ARHGEF26: variants seen among roughly 807,000 people sequenced by gnomAD.
The protein encoded by ARHGEF26 is Rho guanine nucleotide exchange factor 26.
In ARHGEF26, 59 loss-of-function variants were observed where a neutral mutation model predicts 89.4. The ratio of observed to expected loss-of-function variants is 0.66; its 90% confidence interval spans 0.54 to 0.82. The LOEUF is 0.82. ARHGEF26 is among the 40% of genes least tolerant of loss of function. The pLI, the probability that ARHGEF26 is intolerant of heterozygous loss-of-function variation, is 0.00. For synonymous variants in ARHGEF26, 500 were observed against 428.4 expected (o/e 1.17, Z -2.06); for missense variants, 1,234 against 1,085.6 (o/e 1.14, Z -1.92).
intron 12 of ARHGEF26, among the ~76,000 whole-genome samples, chr3:154,251,112 G>A (rs1338644687): frequency 6.6e-6 from 1 of 152,100 alleles, no homozygotes; most frequent in East Asian, 1.9e-4. Flanking sequence ...AGATACCACA[G>A]TTTCCACCCT....
chr3:154,183,825 C>A (rs1330404026), intron 6 of ARHGEF26, among the ~76,000 whole-genome samples: 2 of 152,042 alleles, frequency 1.3e-5, no homozygotes, highest in Non-Finnish European at 2.9e-5. Context: ...TTGGGAAAAG[C>A]CAAGTTACTG....
rs1718083666 is a variant in ARHGEF26, at chr3:154,122,948, G to A, written c.956G>A (p.Arg319Lys). ...GGCTTGCGGTCCACGTCTTATCGCA[G>A]GGCAGTGGTCAGTGGCTTTGATTTT... ...RRGLRSTSYR[R>K]AVVSGFDFDS... The change falls in exon 2 of 15, where the codon AGG becomes AAG. Residue 319 changes from arginine to lysine, a missense_variant. Arg to Lys is a conservative substitution (Grantham distance 26). Coordinates refer to ENST00000465093, the MANE Select transcript of ARHGEF26 (RefSeq NM_015595.4). 1.2e-6 allele frequency: 2 copies of A among 1,613,684 alleles called. No individual in the cohort carries two copies. The highest frequency in any genetic ancestry group is 1.6e-4 in the Middle Eastern group (1 of 6,062).
chr3:154,149,244 AATAAATT>A (rs1719871999), intron 4 of ARHGEF26, 138 bp from the exon 5 acceptor site: 4 of 405,270 alleles, frequency 9.9e-6, no homozygotes, highest in African/African-American at 9.7e-5. Flanking sequence ...TTGATTAATT[AATAAATT>A]AATATTGATG....
rs201150057 is a variant in ARHGEF26, at chr3:154,186,886, C to CTTTTTTTTTTTTTTTTTTTTT, written c.1488-791_1488-771dup. 4.9e-5 allele frequency among the ~76,000 whole-genome samples: 4 copies of CTTTTTTTTTTTTTTTTTTTTT among 82,078 alleles called. 1 individual carries two copies. Among genetic ancestry groups the CTTTTTTTTTTTTTTTTTTTTT allele is most frequent in the African/African-American group, 1.9e-4 (4 of 21,168 alleles). The allele number at this position is 82,078 out of a possible 152,430, so 53.8% of individuals were successfully genotyped here. A position where few individuals can be genotyped will look rare whatever the true frequency, so the allele number is the denominator to read the frequency against. On this transcript the variant is annotated intron_variant, in intron 6 of 14. Coordinates refer to ENST00000465093, the MANE Select transcript of ARHGEF26 (RefSeq NM_015595.4). Reference sequence around the variant, plus strand: ...CATATACTGTTAGATTTATTTCAGACTTTTTTTTTTTTTTTTTTTTTTTTT... The same window carrying CTTTTTTTTTTTTTTTTTTTTT: ...CATATACTGTTAGATTTATTTCAGACTTTTTTTTTTTTTTTTTTTTTTTTTTTTTTTTTTTTTTTTTTTTTT...
intron 12 of ARHGEF26, among the ~76,000 whole-genome samples, chr3:154,242,049 T>C (rs1717510219): frequency 6.6e-6 from 1 of 152,178 alleles, no homozygotes; most frequent in Non-Finnish European, 1.5e-5. Context: ...GGCACCCACA[T>C]AAAATGTCAA....
chr3:154,183,367 G>C (rs1713300824), intron 6 of ARHGEF26, among the ~76,000 whole-genome samples: 1 of 152,170 alleles, frequency 6.6e-6, no homozygotes, highest in South Asian at 2.1e-4. Flanking sequence ...ATACTACAAA[G>C]AGGAAATAAG....
At position 154,185,575 on chromosome 3, in the gene ARHGEF26, C is replaced by T. The variant is rs187595592; in HGVS notation, c.1488-2110C>T. Among the ~76,000 whole-genome samples, 703 of 152,272 alleles carry T rather than the reference C, an allele frequency of 4.6e-3. 3 individuals carry two copies. The highest frequency in any genetic ancestry group is 0.016 in the African/African-American group (668 of 41,556). On this transcript the variant is annotated intron_variant, in intron 6 of 14. Coordinates refer to ENST00000465093, the MANE Select transcript of ARHGEF26 (RefSeq NM_015595.4). ...GCAGGTACTGCAGACCACCTAGTCC[C>T]TCTCAGGGCCTGCTACTCTCCCAGC...
intron 4 of ARHGEF26, 44 bp downstream of exon 4, chr3:154,129,763 A>C: frequency 6.4e-7 from 1 of 1,561,116 alleles, no homozygotes; most frequent in Non-Finnish European, 8.7e-7. Flanking sequence ...GAAAAAAACA[A>C]GTTTTGGAAA....
intron 11 of ARHGEF26, among the ~76,000 whole-genome samples, chr3:154,228,131 T>C (rs1203213927): frequency 1.5e-5 from 2 of 136,276 alleles, no homozygotes; most frequent in Non-Finnish European, 3.1e-5. Context: ...TGGGAGTCTT[T>C]GAGAATTTTT....
chr3:154,255,231 A>G, intron 14 of ARHGEF26, 100 bp from the exon 15 acceptor site: 4 of 1,257,818 alleles, frequency 3.2e-6, no homozygotes, highest in Non-Finnish European at 4.5e-6. Context: ...CGTAGCACTT[A>G]GCCTGGGGAG....
At chr3:154,187,134 C>G in intron 6 of ARHGEF26, 1 of 609,820 alleles carries the variant, frequency 1.6e-6, no homozygotes, top group Non-Finnish European at 2.1e-6. Context: ...TCATAATCCA[C>G]CCGCTTCGGC....
At chr3:154,252,833 G>A (rs949240557) in intron 12 of ARHGEF26, among the ~76,000 whole-genome samples, 4 of 152,274 alleles carry the variant, frequency 2.6e-5, no homozygotes, top group Middle Eastern at 3.4e-3. Context: ...TAATGTGTTC[G>A]TGTAATCAGC....
intron 11 of ARHGEF26, among the ~76,000 whole-genome samples, chr3:154,239,295 AGAGAGTGT>A (rs1717336025): frequency 6.8e-5 from 4 of 58,766 alleles, no homozygotes; most frequent in African/African-American, 1.8e-4. Context: ...AGAGAGAGAG[AGAGAGTGT>A]GTGTGTGTGT....
intron 11 of ARHGEF26, among the ~76,000 whole-genome samples, chr3:154,238,992 G>T (rs1417548298): frequency 6.6e-6 from 1 of 152,096 alleles, no homozygotes; most frequent in Non-Finnish European, 1.5e-5. Context: ...TGGTGTTGAG[G>T]ATTAGAGGAG....
At chr3:154,125,669 T>G (rs560954940) in intron 3 of ARHGEF26, among the ~76,000 whole-genome samples, 1 of 152,224 alleles carries the variant, frequency 6.6e-6, no homozygotes, top group South Asian at 2.1e-4. Flanking sequence ...TTTTAGATTT[T>G]TTTTGAAGTC....
intron 10 of ARHGEF26, among the ~76,000 whole-genome samples, chr3:154,219,939 A>ACAAAAAAAAC (rs11282930): frequency 0.89 from 134,921 of 151,432 alleles, 60,185 homozygotes; most frequent in East Asian, 1. Context: ...CAAAAAACAA[A>ACAAAAAAAAC]CAAAAAAGTA....
intron 3 of ARHGEF26, among the ~76,000 whole-genome samples, chr3:154,126,064 C>T (rs181342854): frequency 3.7e-4 from 56 of 152,284 alleles, no homozygotes; most frequent in African/African-American, 1.3e-3. Flanking sequence ...AATCTGTCAA[C>T]AATGTTATGC....
At chr3:154,236,053 G>A (rs78757289) in intron 11 of ARHGEF26, among the ~76,000 whole-genome samples, 3,873 of 152,166 alleles carry the variant, frequency 0.025, 137 homozygotes, top group African/African-American at 0.088. Context: ...ATCTCCTTAA[G>A]AAAGCCACTG....
chr3:154,235,055 T>G, intron 11 of ARHGEF26, among the ~76,000 whole-genome samples: 1 of 152,190 alleles, frequency 6.6e-6, no homozygotes, highest in East Asian at 1.9e-4. Context: ...AAGGCTAGTT[T>G]ATTCTTTTTT....
Sources: gnomAD v4.1 joint callset for allele counts (sites outside exome capture counted in the v4.1 genomes callset) on GRCh38, gnomAD v4.1.1 for gene constraint, MANE v1.5 for transcripts, NCBI Gene and HGNC (gene_info 2026-07-23, HGNC 2026-07-21) for gene names.